CWC27: variants seen among roughly 807,000 people sequenced by gnomAD.
The protein encoded by CWC27 is CWC27 spliceosome associated cyclophilin.
Under a neutral mutation model 63.6 loss-of-function variants are expected in CWC27, and 47 were observed. The observed-to-expected ratio is 0.74, with a 90% confidence interval of 0.58 to 0.94. CWC27 has a LOEUF of 0.94. CWC27 is among the 40% of genes least tolerant of loss of function. The pLI, the probability that CWC27 is intolerant of heterozygous loss-of-function variation, is 0.00. For missense variants in CWC27, 495 were observed against 554.3 expected, an observed-to-expected ratio of 0.89 and a Z score of 1.07; for synonymous variants, 175 against 179.8, an observed-to-expected ratio of 0.97 and a Z score of 0.22.
chr5:64,983,569 G>C (rs528744198), intron 13 of CWC27, among the ~76,000 whole-genome samples: 3 of 152,282 alleles, frequency 2.0e-5, no homozygotes, highest in African/African-American at 7.2e-5. Context: ...CCAATCTATA[G>C]GTCCTGGGAA....
At chr5:64,840,090 A>G (rs1187809840) in intron 10 of CWC27, among the ~76,000 whole-genome samples, 1 of 152,018 alleles carries the variant, frequency 6.6e-6, no homozygotes, top group Non-Finnish European at 1.5e-5. Context: ...CTCCAGAGCT[A>G]AATCTCTGAG....
At chr5:64,916,889 TAG>T (rs1747898789) in intron 11 of CWC27, among the ~76,000 whole-genome samples, 1 of 80,322 alleles carries the variant, frequency 1.2e-5, no homozygotes, top group African/African-American at 4.6e-5. Flanking sequence ...GTAGTATTAG[TAG>T]TAGTAGTAGT....
At chr5:64,821,268 A>C (rs113460569) in intron 10 of CWC27, among the ~76,000 whole-genome samples, 1 of 152,030 alleles carries the variant, frequency 6.6e-6, no homozygotes, top group Non-Finnish European at 1.5e-5. Context: ...TATTTTTAGT[A>C]GAGACGGGGT....
Position 64,885,487 on chromosome 5 carries a change from TAGC to T in CWC27, c.988_990del (p.Ala330del). The T allele has an allele frequency of 6.2e-7, 1 of 1,609,910 alleles. No individual in the cohort carries two copies. Among genetic ancestry groups the T allele is most frequent in the South Asian group, 1.1e-5 (1 of 89,940 alleles). ...GCAAGACAATTAAAACGGGAACTCT[TAGC>T]AGCAAAACAAAAAAAAGTAGAAAAT... is the stretch of plus-strand genomic sequence containing the variant. On this transcript the variant is annotated inframe_deletion, in exon 11 of 14. Coordinates refer to ENST00000381070, the MANE Select transcript of CWC27 (RefSeq NM_005869.4).
intron 10 of CWC27, among the ~76,000 whole-genome samples, chr5:64,832,098 C>T (rs1041102680): frequency 6.6e-6 from 1 of 151,756 alleles, no homozygotes; most frequent in African/African-American, 2.4e-5. Flanking sequence ...AATAAATAAA[C>T]CCTTCCTAGT....
At chr5:65,010,508 T>A (rs1025783390) in intron 13 of CWC27, among the ~76,000 whole-genome samples, 7 of 152,244 alleles carry the variant, frequency 4.6e-5, no homozygotes, top group African/African-American at 1.4e-4. Flanking sequence ...TAGGAGCTAT[T>A]TTGTTAGGTT....
chr5:64,966,644 C>G (rs1749017891), intron 11 of CWC27, among the ~76,000 whole-genome samples: 1 of 152,086 alleles, frequency 6.6e-6, no homozygotes. Context: ...CTAAAGATGC[C>G]ATGCTCACTG....
chr5:64,852,471 C>T (rs530737845), intron 10 of CWC27, among the ~76,000 whole-genome samples: 9 of 143,982 alleles, frequency 6.3e-5, no homozygotes, highest in East Asian at 2.2e-4. Flanking sequence ...GCTTAAAGGA[C>T]GAAAACCTTT....
intron 10 of CWC27, among the ~76,000 whole-genome samples, chr5:64,870,856 T>G (rs1473288642): frequency 1.8e-4 from 28 of 152,146 alleles, no homozygotes. Flanking sequence ...ACATACAATT[T>G]TATATAAACT....
In CWC27 at chr5:64,804,147, G is replaced by C. The variant is rs1580619807; in HGVS notation, c.781-82G>C. 3 of 1,238,612 alleles carry C rather than the reference G, an allele frequency of 2.4e-6. No homozygotes were observed. In the East Asian group the frequency reaches 7.2e-5, roughly 30 times the overall value. The allele number at this position is 1,238,612 out of a possible 1,614,324, so 76.7% of individuals were successfully genotyped here. On this transcript the variant is annotated intron_variant, in intron 9 of 13. Transcript: ENST00000381070. ...AAAACCTAGTTTAGAATGCAATAAG[G>C]AGATTCAGTGGATGCAATAGATCTC... is the stretch of plus-strand genomic sequence containing the variant.
chr5:64,865,675 C>A (rs1746515076), intron 10 of CWC27, among the ~76,000 whole-genome samples: 1 of 151,892 alleles, frequency 6.6e-6, no homozygotes, highest in Admixed American at 6.6e-5. Flanking sequence ...AGGGCTAAAT[C>A]TCTCGATTTT....
intron 10 of CWC27, among the ~76,000 whole-genome samples, chr5:64,830,512 A>G (rs369533182): frequency 3.3e-5 from 5 of 152,170 alleles, no homozygotes; most frequent in African/African-American, 9.7e-5. Context: ...CATGACAGGC[A>G]TGGGCAAGGA....
chr5:64,803,941 G>A (rs368672304), intron 9 of CWC27, among the ~76,000 whole-genome samples: 2 of 151,934 alleles, frequency 1.3e-5, no homozygotes, highest in Admixed American at 6.6e-5. Flanking sequence ...AGAATAGCCC[G>A]AGTGACACAG....
At chr5:64,824,514 A>G (rs1353317111) in intron 10 of CWC27, among the ~76,000 whole-genome samples, 2 of 152,104 alleles carry the variant, frequency 1.3e-5, no homozygotes, top group Admixed American at 6.6e-5. Flanking sequence ...ATGGTTGTGC[A>G]TATTGTGACC....
Position 64,971,809 on chromosome 5 carries a change from TCAGG to T in CWC27, c.1150_1152+1del. ...CAAAGAAGGGAACTTCCCGGGAAGA[TCAGG>T]TAACTTCAAAAACCCAAATCCATAC... is the stretch of plus-strand genomic sequence containing the variant. On this transcript the variant is annotated splice_donor_variant and coding_sequence_variant, in exon 12 of 14. Transcript: ENST00000381070. LOFTEE classifies it high-confidence loss of function. The T allele has an allele frequency of 6.2e-7, 1 of 1,602,386 alleles. No individual in the cohort carries two copies. The highest frequency in any genetic ancestry group is 1.4e-5 in the African/African-American group (1 of 74,036).
intron 10 of CWC27, among the ~76,000 whole-genome samples, chr5:64,823,501 A>G (rs1328552626): frequency 6.6e-6 from 1 of 152,222 alleles, no homozygotes; most frequent in Non-Finnish European, 1.5e-5. Flanking sequence ...CTACAAAATT[A>G]GTAGCTATTA....
At chr5:64,893,826 C>T (rs1213776436) in intron 11 of CWC27, among the ~76,000 whole-genome samples, 6 of 152,022 alleles carry the variant, frequency 3.9e-5, no homozygotes, top group African/African-American at 1.2e-4. Flanking sequence ...CCTTAACGAA[C>T]GTCTTACTCA....
At chr5:64,961,797 C>T (rs1748916495) in intron 11 of CWC27, among the ~76,000 whole-genome samples, 1 of 152,118 alleles carries the variant, frequency 6.6e-6, no homozygotes, top group South Asian at 2.1e-4. Flanking sequence ...TATCCTGTTT[C>T]CTCACTTGTA....
intron 10 of CWC27, among the ~76,000 whole-genome samples, chr5:64,878,970 A>G (rs956935766): frequency 2.0e-5 from 3 of 151,870 alleles, no homozygotes; most frequent in Non-Finnish European, 4.4e-5. Flanking sequence ...GATTTGGGGT[A>G]TGTGTTATAA....
Sources: allele counts gnomAD v4.1 joint callset (sites outside exome capture counted in the v4.1 genomes callset), GRCh38; gene constraint gnomAD v4.1.1; transcripts MANE v1.5; gene names NCBI Gene and HGNC (gene_info 2026-07-23, HGNC 2026-07-21).